CHD2: variants seen among roughly 807,000 people sequenced by gnomAD.
CHD2 encodes the protein ATP-dependent chromatin remodeler CHD2.
Under a neutral mutation model 243.9 loss-of-function variants are expected in CHD2, and 28 were observed. The ratio of observed to expected loss-of-function variants is 0.11; its 90% CI spans 0.09 to 0.16. CHD2 has a LOEUF of 0.16. Ranked by LOEUF, CHD2 falls within the 10% of genes least tolerant of loss-of-function variation. The probability of loss-of-function intolerance (pLI) is 1.00; values close to 1 mark genes in which losing one functional copy is unlikely to be tolerated. For synonymous variants in CHD2, 775 were observed against 779.0 expected, an observed-to-expected ratio of 0.99 and a Z score of 0.09; for missense variants, 1,386 against 2,209.8, an observed-to-expected ratio of 0.63 and a Z score of 7.47.
chr15:92,901,113 A>C lies in CHD2; in HGVS notation c.-71-54A>C, dbSNP rs1285329653. ...ACATCGTCAGGACTTTGTTCCTGATAATAAAAAGCATCGATAGAAGCCGGG... is the reference window on the plus strand; with the variant it reads ...ACATCGTCAGGACTTTGTTCCTGATCATAAAAAGCATCGATAGAAGCCGGG... On this transcript the variant is annotated intron_variant, in intron 1 of 38. Transcript: ENST00000394196. 6 of 685,186 alleles carry C rather than the reference A, an allele frequency of 8.8e-6. No individual in the cohort carries two copies. The East Asian group carries it at 1.6e-4, about 19-fold the overall frequency. 42.4% of individuals were successfully genotyped at this position (685,186 alleles called of 1,614,324 possible). A position where few individuals can be genotyped will look rare whatever the true frequency, so the allele number is the denominator to read the frequency against.
intron 16 of CHD2, among the ~76,000 whole-genome samples, chr15:92,957,945 A>G (rs1363698956): frequency 6.6e-6 from 1 of 152,116 alleles, no homozygotes; most frequent in Non-Finnish European, 1.5e-5. Flanking sequence ...GGCTTCCTTC[A>G]CTTAGCATAT....
At chr15:92,921,806 A>G (rs2052961523) in intron 2 of CHD2, among the ~76,000 whole-genome samples, 1 of 152,198 alleles carries the variant, frequency 6.6e-6, no homozygotes. Flanking sequence ...GGTTGACACA[A>G]GTTAAAAGAT....
At chr15:92,927,101 C>T (rs189426306) in intron 3 of CHD2, 143 bp from the exon 4 acceptor site, 22 of 608,032 alleles carry the variant, frequency 3.6e-5, no homozygotes, top group Admixed American at 2.2e-4. Flanking sequence ...AAAAAAATGG[C>T]GCTTTATTGT....
At chr15:92,951,909 T>C (rs2053559195) in intron 13 of CHD2, among the ~76,000 whole-genome samples, 2 of 152,242 alleles carry the variant, frequency 1.3e-5, no homozygotes, top group Non-Finnish European at 2.9e-5. Flanking sequence ...AGAAATTATG[T>C]CTTTTTGGTG....
At chr15:92,917,604 GTCT>G (rs1168010155) in intron 2 of CHD2, among the ~76,000 whole-genome samples, 1 of 152,206 alleles carries the variant, frequency 6.6e-6, no homozygotes, top group Non-Finnish European at 1.5e-5. Flanking sequence ...TGACCAGTCA[GTCT>G]TCTTTGCTTT....
At chr15:92,986,001 T>C (rs1371089950) in intron 26 of CHD2, among the ~76,000 whole-genome samples, 1 of 152,096 alleles carries the variant, frequency 6.6e-6, no homozygotes, top group Non-Finnish European at 1.5e-5. Flanking sequence ...ATAAAAGAAA[T>C]ATCAAAAATA....
chr15:92,909,854 G>T (rs2052695986), intron 2 of CHD2, among the ~76,000 whole-genome samples: 1 of 151,912 alleles, frequency 6.6e-6, no homozygotes, highest in South Asian at 2.1e-4. Context: ...TATTGTACAT[G>T]GTGAACATTT....
At chr15:92,936,264 T>C (rs1343279871) in intron 5 of CHD2, among the ~76,000 whole-genome samples, 1 of 152,346 alleles carries the variant, frequency 6.6e-6, no homozygotes, top group Admixed American at 6.5e-5. Flanking sequence ...TGTTCTCCCA[T>C]GAAGAATATT....
Position 92,924,438 on chromosome 15 carries a change from T to G in CHD2, c.180T>G (p.Ser60=), listed in dbSNP as rs747415863. 112 of 1,614,068 alleles carry G rather than the reference T, an allele frequency of 6.9e-5. No individual in the cohort carries two copies. The highest frequency in any genetic ancestry group is 9.2e-5 in the Non-Finnish European group (109 of 1,180,034). ...AGTCGAACAGCAGCTCTGAATCTTC[T>G]GAGAGTCAGTCGGAATCTGAGAGCG... ...GSESNSSSES[S]ESQSESESES... Residue 60 remains serine, a synonymous_variant, in exon 3 of 39, where the codon TCT becomes TCG. Coordinates refer to ENST00000394196, the MANE Select transcript of CHD2 (RefSeq NM_001271.4).
At chr15:92,991,101 A>C (rs558864672) in intron 26 of CHD2, among the ~76,000 whole-genome samples, 19 of 152,334 alleles carry the variant, frequency 1.2e-4, no homozygotes, top group Admixed American at 2.0e-4. Context: ...TGATGAAACG[A>C]TATAAGGGTT....
intron 14 of CHD2, among the ~76,000 whole-genome samples, chr15:92,955,112 C>T (rs1006190079): frequency 3.9e-5 from 6 of 152,088 alleles, no homozygotes; most frequent in Non-Finnish European, 8.8e-5. Flanking sequence ...TGGGAGATCC[C>T]TTGTTGAGTT....
intron 26 of CHD2, among the ~76,000 whole-genome samples, chr15:92,985,889 A>G (rs758775998): frequency 3.9e-5 from 6 of 152,044 alleles, no homozygotes; most frequent in East Asian, 1.9e-4. Flanking sequence ...TCATCTCTCT[A>G]TTTCTCTCTT....
In CHD2 at chr15:93,002,159, C is replaced by A. The variant is rs775111839; in HGVS notation, c.4138-18C>A. ...TAAAATTTGTAGCAAAAATTCATAGCCCTGTTTTGTTTCCTAGGATGATGG... is the reference window on the plus strand; with the variant it reads ...TAAAATTTGTAGCAAAAATTCATAGACCTGTTTTGTTTCCTAGGATGATGG... On this transcript the variant is annotated intron_variant, in intron 32 of 38. Coordinates refer to ENST00000394196, the MANE Select transcript of CHD2 (RefSeq NM_001271.4). The A allele has an allele frequency of 5.3e-5, 83 of 1,574,302 alleles. No individual in the cohort carries two copies. The highest frequency in any genetic ancestry group is 7.0e-5 in the Non-Finnish European group (82 of 1,169,004).
At chr15:93,012,580 AC>A in intron 36 of CHD2, 136 bp downstream of exon 36, 2 of 576,528 alleles carry the variant, frequency 3.5e-6, no homozygotes, top group Admixed American at 7.3e-5. Flanking sequence ...AAACAATAAG[AC>A]CAGATGGGTG....
chr15:92,904,143 G>C (rs1193916728), intron 2 of CHD2, among the ~76,000 whole-genome samples: 2 of 152,214 alleles, frequency 1.3e-5, no homozygotes, highest in Non-Finnish European at 2.9e-5. Context: ...GATAGGGCAC[G>C]CAGCAGCTCT....
chr15:92,996,769 T>G (rs1304095231), intron 28 of CHD2, among the ~76,000 whole-genome samples, 188 bp from the exon 29 acceptor site: 4 of 152,194 alleles, frequency 2.6e-5, no homozygotes, highest in Non-Finnish European at 5.9e-5. Flanking sequence ...CTTAAAAGAC[T>G]GAATGTTCAG....
intron 2 of CHD2, among the ~76,000 whole-genome samples, chr15:92,909,319 C>G (rs907050473): frequency 2.0e-5 from 3 of 152,102 alleles, no homozygotes; most frequent in Non-Finnish European, 4.4e-5. Context: ...AACTTCCTTT[C>G]CCTTGGGTTT....
At chr15:92,943,110 T>A (rs2053408221) in intron 9 of CHD2, 42 bp downstream of exon 9, 1 of 1,486,758 alleles carries the variant, frequency 6.7e-7, no homozygotes, top group Non-Finnish European at 9.3e-7. Context: ...ATTTGCAGCC[T>A]GAAAGAAGGG....
rs2053973600 is a variant in CHD2 at position 92,981,060 on chromosome 15, A to T, written c.2973+149A>T. ...TGTTTTTCTTTCGTAGGAATCTCAT[A>T]GCTCTTACCAAATTGAGTAGGAAGG... On this transcript the variant is annotated intron_variant, in intron 23 of 38. Coordinates refer to ENST00000394196, the MANE Select transcript of CHD2 (RefSeq NM_001271.4). 5 of 659,058 alleles carry T rather than the reference A, an allele frequency of 7.6e-6. No individual in the cohort carries two copies. In the South Asian group the frequency reaches 9.3e-5, roughly 12 times the overall value. 40.8% of individuals were successfully genotyped at this position (659,058 alleles called of 1,614,324 possible). A position where few individuals can be genotyped will look rare whatever the true frequency, so the allele number is the denominator to read the frequency against.
Sources: gnomAD v4.1 joint callset for allele counts (sites outside exome capture counted in the v4.1 genomes callset) on GRCh38, gnomAD v4.1.1 for gene constraint, MANE v1.5 for transcripts, NCBI Gene and HGNC (gene_info 2026-07-23, HGNC 2026-07-21) for gene names.